Variants in BCAR3 observed in about 807,000 individuals in gnomAD.
BCAR3 encodes BCAR3 adaptor protein, NSP family member.
BCAR3 carries 37 observed loss-of-function variants against 80.1 expected under a neutral mutation model. The observed-to-expected ratio is 0.46, with a 90% confidence interval of 0.36 to 0.61. BCAR3 has a LOEUF of 0.61. Among genes scored for constraint, BCAR3 ranks in the 20% least tolerant of loss-of-function variants. The probability of loss-of-function intolerance (pLI) is 0.00; values close to 1 mark genes in which losing one functional copy is unlikely to be tolerated. For missense variants in BCAR3, 978 were observed against 1,068.2 expected, an observed-to-expected ratio of 0.92 and a Z score of 1.18; for synonymous variants, 389 against 418.9, an observed-to-expected ratio of 0.93 and a Z score of 0.87.
intron 2 of BCAR3, among the ~76,000 whole-genome samples, chr1:93,748,491 C>A (rs575729272): frequency 5.3e-5 from 8 of 152,296 alleles, no homozygotes; most frequent in Non-Finnish European, 1.0e-4. Flanking sequence ...GGATCAGATA[C>A]TTTGATTATT....
At chr1:93,847,003 C>CT (rs1655234329) in intron 1 of BCAR3, 1 of 274,430 alleles carries the variant, frequency 3.6e-6, no homozygotes, top group Middle Eastern at 4.3e-4. Context: ...GGTCCAGCCG[C>CT]GGCTGGGTCG....
chr1:93,588,897 A>G (rs1674055078), intron 5 of BCAR3, 80 bp downstream of exon 5: 4 of 1,387,378 alleles, frequency 2.9e-6, no homozygotes, highest in Non-Finnish European at 3.9e-6. Context: ...TCTTTGTTCC[A>G]TGATGAATTC....
At chr1:93,682,242 G>C (rs1007925662), upstream of BCAR3, among the ~76,000 whole-genome samples, 145 of 152,312 alleles carry the variant, frequency 9.5e-4, 1 homozygote, top group Non-Finnish European at 1.8e-4. Context: ...AATTGCACTC[G>C]TATGGACGTA....
chr1:93,814,035 GACAGGAAAATC>G (rs928026285), intron 2 of BCAR3, among the ~76,000 whole-genome samples: 1 of 152,154 alleles, frequency 6.6e-6, no homozygotes, highest in African/African-American at 2.4e-5. Flanking sequence ...AATTTTTTAT[GACAGGAAAATC>G]ACAGAATTGA....
intron 2 of BCAR3, among the ~76,000 whole-genome samples, chr1:93,764,406 G>A (rs141506571): frequency 0.026 from 3,922 of 151,816 alleles, 58 homozygotes; most frequent in Non-Finnish European, 0.034. Context: ...GCCATTCATC[G>A]CATCAGCCAA....
intron 3 of BCAR3, among the ~76,000 whole-genome samples, chr1:93,595,274 C>T (rs1453957135): frequency 6.6e-6 from 1 of 152,164 alleles, no homozygotes; most frequent in African/African-American, 2.4e-5. Context: ...TTGAAGGTTA[C>T]ACAACTGCCT....
At chr1:93,741,664 C>G (rs2391286) in intron 2 of BCAR3, among the ~76,000 whole-genome samples, 17,838 of 152,042 alleles carry the variant, frequency 0.12, 1,469 homozygotes, top group African/African-American at 0.22. Context: ...CACCTCCCGG[C>G]TTCAAGTGAT....
intron 2 of BCAR3, among the ~76,000 whole-genome samples, chr1:93,743,159 A>G (rs1258337544): frequency 6.6e-6 from 1 of 152,254 alleles, no homozygotes; most frequent in Non-Finnish European, 1.5e-5. Context: ...CAGTTGAGAG[A>G]TTACTGGTTT....
chr1:93,803,517 T>C (rs542258550), intron 2 of BCAR3, among the ~76,000 whole-genome samples: 2 of 151,960 alleles, frequency 1.3e-5, no homozygotes, highest in Non-Finnish European at 2.9e-5. Flanking sequence ...AAGAGAGAGG[T>C]CCAGATTCCA....
intron 7 of BCAR3, among the ~76,000 whole-genome samples, chr1:93,580,514 A>G (rs997482588): frequency 6.7e-5 from 8 of 119,892 alleles, no homozygotes; most frequent in African/African-American, 2.0e-4. Context: ...AATATTCAGG[A>G]AAAAAAAAAA....
At chr1:93,669,308 A>G (rs1279403849) in intron 2 of BCAR3, among the ~76,000 whole-genome samples, 1 of 152,240 alleles carries the variant, frequency 6.6e-6, no homozygotes, top group Non-Finnish European at 1.5e-5. Flanking sequence ...GCCCAGAGTT[A>G]GGGCTTTAAA....
intron 2 of BCAR3, among the ~76,000 whole-genome samples, chr1:93,814,687 C>T (rs545719127): frequency 3.3e-5 from 5 of 152,314 alleles, no homozygotes; most frequent in South Asian, 2.1e-4. Context: ...GCTGTTACAC[C>T]GGCATCCACT....
intron 3 of BCAR3, among the ~76,000 whole-genome samples, chr1:93,627,767 C>T (rs918014111): frequency 2.6e-5 from 4 of 152,060 alleles, no homozygotes; most frequent in South Asian, 2.1e-4. Flanking sequence ...CTAGAAGTCA[C>T]ATAACAAAAA....
At chr1:93,731,919 C>T (rs1172993597) in intron 2 of BCAR3, among the ~76,000 whole-genome samples, 1 of 152,196 alleles carries the variant, frequency 6.6e-6, no homozygotes, top group African/African-American at 2.4e-5. Context: ...GTAGCAAGGG[C>T]TCTGATCCTG....
At position 93,589,407 on chromosome 1, in the gene BCAR3, G is replaced by C. The variant is rs1382802813; in HGVS notation, c.499C>G (p.Leu167Val). ...AGGAAGTCACCATCTCGCTGCACAA[G>C]GTTTTCAGACACCTTTGGGACAAAA... The part of the protein sequence containing the change: ...GRIPRQVSEN[L>V]VQRDGDFLVR... The change falls in exon 5 of 12, where the codon CTT (leucine) becomes GTT (valine). Residue 167 changes from leucine (L) to valine (V), a missense_variant. Coordinates refer to ENST00000260502, the MANE Select transcript of BCAR3 (RefSeq NM_003567.4). 6.2e-7 allele frequency: 1 copy of C among 1,610,736 alleles called. No homozygotes were observed. The highest frequency in any genetic ancestry group is 2.2e-5 in the East Asian group (1 of 44,862).
chr1:93,605,990 ACCAT>A (rs1407955098), intron 3 of BCAR3, among the ~76,000 whole-genome samples: 1 of 152,204 alleles, frequency 6.6e-6, no homozygotes, highest in Non-Finnish European at 1.5e-5. Context: ...ATGACTAACT[ACCAT>A]CTTAGAACTC....
At chr1:93,673,663 T>G (rs1648326991) in intron 2 of BCAR3, among the ~76,000 whole-genome samples, 1 of 152,190 alleles carries the variant, frequency 6.6e-6, no homozygotes, top group African/African-American at 2.4e-5. Context: ...GCCAGGCCCA[T>G]TACAAACCCA....
At chr1:93,601,886 C>T (rs1674635206) in intron 3 of BCAR3, among the ~76,000 whole-genome samples, 2 of 152,102 alleles carry the variant, frequency 1.3e-5, no homozygotes, top group South Asian at 2.1e-4. Flanking sequence ...CTCCAACACC[C>T]GGAATGCTAT....
intron 3 of BCAR3, among the ~76,000 whole-genome samples, chr1:93,700,251 G>A (rs1188589091): frequency 6.6e-6 from 1 of 152,092 alleles, no homozygotes; most frequent in Non-Finnish European, 1.5e-5. Flanking sequence ...GGAGTGCAGT[G>A]GTGTAATCTT....
Sources: gnomAD v4.1 joint callset for allele counts (sites outside exome capture counted in the v4.1 genomes callset) on GRCh38, gnomAD v4.1.1 for gene constraint, MANE v1.5 for transcripts, NCBI Gene and HGNC (gene_info 2026-07-23, HGNC 2026-07-21) for gene names.